Variants in ADGRG7 observed in about 807,000 individuals in gnomAD.
ADGRG7 encodes the protein G-protein coupled receptor 128.
Under a neutral mutation model 88.6 loss-of-function variants are expected in ADGRG7, and 82 were observed. That is an observed-to-expected ratio of 0.93 (90% CI 0.77 to 1.11). The LOEUF (loss-of-function observed/expected upper bound fraction) is 1.11. ADGRG7 is among the 50% of genes most tolerant of loss of function. The pLI is 0.00. For synonymous variants in ADGRG7, 381 were observed against 345.2 expected (o/e 1.10, Z -1.15); for missense variants, 945 against 953.4 (o/e 0.99, Z 0.12).
chr3:100,682,942 A>T (rs566412870), intron 15 of ADGRG7, among the ~76,000 whole-genome samples: 1 of 152,230 alleles, frequency 6.6e-6, no homozygotes, highest in African/African-American at 2.4e-5. Flanking sequence ...TAGAGGCAGG[A>T]GGCAGACAGG....
intron 15 of ADGRG7, among the ~76,000 whole-genome samples, chr3:100,677,331 A>G (rs1258868997): frequency 1.3e-5 from 2 of 152,118 alleles, no homozygotes; most frequent in Non-Finnish European, 2.9e-5. Flanking sequence ...GATTGCATAA[A>G]CTAACAAACA....
At chr3:100,655,765 T>C in intron 12 of ADGRG7, 134 bp from the exon 13 acceptor site, 1 of 576,226 alleles carries the variant, frequency 1.7e-6, no homozygotes, top group Non-Finnish European at 3.2e-6. Flanking sequence ...ATCTGTAGGA[T>C]CACTTTGTAT....
chr3:100,684,893 T>A (rs982116489), intron 15 of ADGRG7, among the ~76,000 whole-genome samples: 5 of 152,132 alleles, frequency 3.3e-5, no homozygotes, highest in African/African-American at 7.2e-5. Context: ...ATTAACACAG[T>A]TTAACTGCTT....
At chr3:100,687,611 C>A (rs1576340895) in intron 15 of ADGRG7, among the ~76,000 whole-genome samples, 1 of 152,126 alleles carries the variant, frequency 6.6e-6, no homozygotes, top group African/African-American at 2.4e-5. Flanking sequence ...TGTCAAAGGC[C>A]TTTTCTGCAT....
chr3:100,642,633 T>C (rs1707661940), intron 6 of ADGRG7, among the ~76,000 whole-genome samples: 1 of 152,236 alleles, frequency 6.6e-6, no homozygotes, highest in African/African-American at 2.4e-5. Context: ...CTTATGACTT[T>C]TCTTTGGAGA....
chr3:100,629,734 A>G (rs1398156968), intron 2 of ADGRG7, 23 bp downstream of exon 2: 1 of 1,466,586 alleles, frequency 6.8e-7, no homozygotes. Flanking sequence ...GGATAATGCT[A>G]AAGTGTAAGG....
intron 1 of ADGRG7, among the ~76,000 whole-genome samples, chr3:100,611,283 C>CCTTTCTTT (rs1707147172): frequency 7.0e-6 from 1 of 142,898 alleles, no homozygotes; most frequent in African/African-American, 2.6e-5. Context: ...TTCCTTCCTT[C>CCTTTCTTT]CTTCCTTCCT....
chr3:100,634,051 C>T (rs80304260), intron 4 of ADGRG7, among the ~76,000 whole-genome samples: 2,280 of 152,304 alleles, frequency 0.015, 48 homozygotes, highest in African/African-American at 0.051. Flanking sequence ...CCCTTGGAAA[C>T]AGGAAACTCC....
intron 13 of ADGRG7, 127 bp from the exon 14 acceptor site, chr3:100,659,561 A>T: frequency 1.4e-6 from 1 of 726,416 alleles, no homozygotes; most frequent in Non-Finnish European, 2.2e-6. Context: ...CAAATGTGTA[A>T]AATGCAGAGG....
chr3:100,666,224 A>G (rs2094951559), intron 14 of ADGRG7, among the ~76,000 whole-genome samples: 1 of 152,228 alleles, frequency 6.6e-6, no homozygotes, highest in African/African-American at 2.4e-5. Flanking sequence ...AGACACAGAG[A>G]CAAAGTATAG....
At chr3:100,653,807 A>T (rs1284351293) in intron 11 of ADGRG7, among the ~76,000 whole-genome samples, 1 of 150,008 alleles carries the variant, frequency 6.7e-6, no homozygotes, top group East Asian at 1.9e-4. Flanking sequence ...TTTTTTTTTC[A>T]GCGAGGTGGC....
rs780049267 is a variant in ADGRG7, at chr3:100,637,386, G to C, written c.682G>C (p.Asp228His). Reference sequence around the variant, plus strand: ...TCAAAGAGTTGCTGCTACTGCTAATGATGATGCCCTTACAACGTAAGCACA... The same window carrying C: ...TCAAAGAGTTGCTGCTACTGCTAATCATGATGCCCTTACAACGTAAGCACA... Reference protein sequence around the residue: ...AFQRVAATANDDALTTLIEQM... With the variant: ...AFQRVAATANHDALTTLIEQM... The change falls in exon 6 of 16, where the codon GAT becomes CAT. Residue 228 changes from aspartate (D) to histidine (H), a missense_variant. By Grantham distance (81) the Asp-to-His change is moderately conservative. Coordinates refer to ENST00000273352, the MANE Select transcript of ADGRG7 (RefSeq NM_032787.3). 1.9e-6 allele frequency: 3 copies of C among 1,612,530 alleles called. No homozygotes were observed. The highest frequency in any genetic ancestry group is 1.1e-5 in the South Asian group (1 of 91,044).
At chr3:100,629,055 T>C (rs1171315885) in intron 1 of ADGRG7, among the ~76,000 whole-genome samples, 1 of 152,200 alleles carries the variant, frequency 6.6e-6, no homozygotes, top group Admixed American at 6.6e-5. Context: ...TTCTTCTCTG[T>C]TCCTTAGACA....
intron 5 of ADGRG7, 71 bp downstream of exon 5, chr3:100,635,897 A>G: frequency 1.8e-6 from 2 of 1,117,734 alleles, no homozygotes; most frequent in East Asian, 2.6e-5. Flanking sequence ...AGAAAGAGAG[A>G]TGTCCTGAAT....
chr3:100,611,303 T>TCTTCCTTC (rs56353986), intron 1 of ADGRG7, among the ~76,000 whole-genome samples: 53,128 of 123,606 alleles, frequency 0.43, 12,973 homozygotes, highest in East Asian at 0.66. Context: ...TTCCTTCCTT[T>TCTTCCTTC]CTTCTTTCCT....
chr3:100,649,655 G>GATGACT, intron 10 of ADGRG7, 40 bp from the exon 11 acceptor site: 1 of 1,088,158 alleles, frequency 9.2e-7, no homozygotes, highest in Non-Finnish European at 1.4e-6. Flanking sequence ...ACACTTCAGG[G>GATGACT]ATGACTAATT....
rs187515357 is a variant in ADGRG7 at position 100,650,340 on chromosome 3, T to A, written c.1379+533T>A. ...CCTTCATTTGAGGTCCAATTTTGTA[T>A]CCCATTCATTATTTTTTGTCACATG... On this transcript the variant is annotated intron_variant, in intron 11 of 15. Coordinates refer to ENST00000273352, the MANE Select transcript of ADGRG7 (RefSeq NM_032787.3). 2.5e-3 allele frequency among the ~76,000 whole-genome samples: 387 copies of A among 152,336 alleles called. 2 individuals are homozygous for A. Among genetic ancestry groups the A allele is most frequent in the African/African-American group, 8.8e-3 (367 of 41,584 alleles).
intron 14 of ADGRG7, among the ~76,000 whole-genome samples, chr3:100,663,461 G>A (rs2094948089): frequency 6.6e-6 from 1 of 151,844 alleles, no homozygotes; most frequent in Non-Finnish European, 1.5e-5. Flanking sequence ...CTCTCTCTCT[G>A]GAAATTGGAA....
intron 15 of ADGRG7, among the ~76,000 whole-genome samples, chr3:100,688,544 T>TTGAA (rs1576341381): frequency 1.3e-5 from 2 of 152,224 alleles, no homozygotes; most frequent in East Asian, 3.8e-4. Context: ...ACACACTGCT[T>TTGAA]TGAATGTGTC....
Sources: gnomAD v4.1 joint callset for allele counts (sites outside exome capture counted in the v4.1 genomes callset) on GRCh38, gnomAD v4.1.1 for gene constraint, MANE v1.5 for transcripts, NCBI Gene and HGNC (gene_info 2026-07-23, HGNC 2026-07-21) for gene names.